IMPG1: variants seen among roughly 807,000 people sequenced by gnomAD.
IMPG1 encodes interphotoreceptor matrix proteoglycan 1.
A neutral mutation model predicts 92.0 loss-of-function variants in IMPG1; 85 were observed. The ratio of observed to expected loss-of-function variants is 0.92; its 90% CI spans 0.78 to 1.11. The LOEUF (loss-of-function observed/expected upper bound fraction) is 1.11. IMPG1 is among the 50% of genes least tolerant of loss of function. IMPG1 has a pLI of 0.00. For missense variants in IMPG1, 1,022 were observed against 956.0 expected, an observed-to-expected ratio of 1.07 and a Z score of -0.91; for synonymous variants, 367 against 334.1, an observed-to-expected ratio of 1.10 and a Z score of -1.08.
chr6:75,945,981 A>G (rs1420971473), intron 14 of IMPG1, among the ~76,000 whole-genome samples: 1 of 152,222 alleles, frequency 6.6e-6, no homozygotes, highest in Non-Finnish European at 1.5e-5. Flanking sequence ...GAAGGAAGAC[A>G]GGGGATTGTG....
chr6:76,068,511 T>TTTC lies in IMPG1; in HGVS notation c.67+3910_67+3911insGAA, dbSNP rs34686466. Among the ~76,000 whole-genome samples the TTTC allele has an allele frequency of 3.2e-3, 60 of 19,040 alleles. No individual in the cohort carries two copies. In the East Asian group the frequency reaches 0.069, roughly 22 times the overall value. 12.5% of individuals were successfully genotyped at this position (19,040 alleles called of 152,430 possible). ...ATCAATATTTTTAAAATGTCCATAC[T>TTTC]TTTTTTTTTTTTTTTTTTTTGGAGA... On this transcript the variant is annotated intron_variant, in intron 1 of 16. Coordinates refer to ENST00000369950, the MANE Select transcript of IMPG1 (RefSeq NM_001563.4).
intron 12 of IMPG1, among the ~76,000 whole-genome samples, chr6:75,963,044 GAA>G (rs34000613): frequency 7.1e-6 from 1 of 139,934 alleles, no homozygotes; most frequent in African/African-American, 2.7e-5. Context: ...CTGTCTCCAG[GAA>G]AAAAAAAAAA....
intron 14 of IMPG1, among the ~76,000 whole-genome samples, chr6:75,932,333 A>AACGAG (rs1781680457): frequency 6.6e-6 from 1 of 152,200 alleles, no homozygotes; most frequent in Non-Finnish European, 1.5e-5. Context: ...TTAGAGTCAA[A>AACGAG]ACGAGAGAAT....
chr6:76,019,436 C>G (rs1436753515), intron 6 of IMPG1, among the ~76,000 whole-genome samples: 1 of 152,196 alleles, frequency 6.6e-6, no homozygotes, highest in Non-Finnish European at 1.5e-5. Flanking sequence ...CGTACATGGT[C>G]TCTTATAGTG....
At chr6:76,023,686 T>C (rs1051527781) in intron 5 of IMPG1, among the ~76,000 whole-genome samples, 1 of 152,116 alleles carries the variant, frequency 6.6e-6, no homozygotes, top group African/African-American at 2.4e-5. Flanking sequence ...CTTAAATATA[T>C]GGTGATGATA....
At chr6:75,958,677 A>G (rs752562224) in intron 12 of IMPG1, among the ~76,000 whole-genome samples, 12 of 151,806 alleles carry the variant, frequency 7.9e-5, no homozygotes, top group Non-Finnish European at 1.8e-4. Context: ...TTCGCCCATT[A>G]ATGTGTATGC....
In IMPG1 at chr6:75,949,847, G is replaced by A. The variant is rs547390899; in HGVS notation, c.1824+715C>T. Among the ~76,000 whole-genome samples, 347 of 152,206 alleles carry A rather than the reference G, an allele frequency of 2.3e-3. 4 individuals are homozygous for A. The highest frequency in any genetic ancestry group is 3.5e-3 in the Non-Finnish European group (241 of 68,004). ...TGTGTAATAATTTAACTTATATGAA[G>A]TATAAAATTTTTTATTTATTGTCAG... On this transcript the variant is annotated intron_variant, in intron 13 of 16. Transcript: ENST00000369950.
intron 12 of IMPG1, among the ~76,000 whole-genome samples, chr6:76,000,629 T>G (rs1238392217): frequency 6.6e-6 from 1 of 152,174 alleles, no homozygotes; most frequent in East Asian, 1.9e-4. Context: ...GAAGCCCAGA[T>G]GTAGGAGTTT....
At chr6:75,958,808 T>C (rs1252695371) in intron 12 of IMPG1, among the ~76,000 whole-genome samples, 2 of 152,138 alleles carry the variant, frequency 1.3e-5, no homozygotes, top group Non-Finnish European at 2.9e-5. Context: ...CTTCCTTGCA[T>C]TGGGTTAGAA....
intron 12 of IMPG1, among the ~76,000 whole-genome samples, chr6:75,993,938 T>G: frequency 6.6e-6 from 1 of 152,184 alleles, no homozygotes; most frequent in East Asian, 1.9e-4. Flanking sequence ...CCAAGCCAGC[T>G]TCCAGGTAGT....
chr6:76,017,013 G>T (rs1281808715), intron 7 of IMPG1, among the ~76,000 whole-genome samples: 1 of 152,152 alleles, frequency 6.6e-6, no homozygotes, highest in Non-Finnish European at 1.5e-5. Flanking sequence ...ACTGGATGCA[G>T]AATGGATAGA....
intron 12 of IMPG1, among the ~76,000 whole-genome samples, chr6:75,970,332 C>CT (rs945591015): frequency 0.012 from 1,670 of 144,254 alleles, 19 homozygotes; most frequent in Middle Eastern, 0.04. Flanking sequence ...ATTCAAACTT[C>CT]TTTTTTTTTT....
chr6:76,028,016 C>T (rs1454401014), intron 4 of IMPG1, among the ~76,000 whole-genome samples: 3 of 152,060 alleles, frequency 2.0e-5, no homozygotes, highest in Non-Finnish European at 4.4e-5. Context: ...TATTTAGGTA[C>T]CTGGGATTGT....
Position 76,018,344 on chromosome 6 carries a change from G to A in IMPG1, c.807+374C>T, listed in dbSNP as rs537382496. 7.9e-5 allele frequency among the ~76,000 whole-genome samples: 12 copies of A among 152,310 alleles called. No homozygotes were observed. In the East Asian group the frequency reaches 1.2e-3, roughly 15 times the overall value. On this transcript the variant is annotated intron_variant, in intron 7 of 16. Transcript: ENST00000369950. ...CAATATAATGCCTATGTGATGAGAC[G>A]AAGTAAGGTAAATGGTATAGAAGTT...
In IMPG1 at chr6:76,049,695, A is replaced by C. The variant is rs115823766; in HGVS notation, c.68-7569T>G. ...TGGTGGTGAGGGTGGTGGTTTTGTA[A>C]CAAAACAGACAATTTGGGAAAAGGC... On this transcript the variant is annotated intron_variant, in intron 1 of 16. Coordinates refer to ENST00000369950, the MANE Select transcript of IMPG1 (RefSeq NM_001563.4). Among the ~76,000 whole-genome samples the C allele has an allele frequency of 8.0e-3, 1,213 of 152,290 alleles. 11 individuals carry two copies. The highest frequency in any genetic ancestry group is 0.027 in the African/African-American group (1,142 of 41,556).
Position 75,938,887 on chromosome 6 carries a change from C to T in IMPG1, c.2045-7736G>A, listed in dbSNP as rs571298176. Among the ~76,000 whole-genome samples the T allele has an allele frequency of 4.7e-4, 71 of 152,258 alleles. 1 individual carries two copies. In the South Asian group the frequency reaches 0.014, roughly 30 times the overall value. ...TGACCAAGACAGCCTTAATATTCCC[C>T]TCAGCTTCACTAAACTTTTTTTTTC... On this transcript the variant is annotated intron_variant, in intron 14 of 16. Coordinates refer to ENST00000369950, the MANE Select transcript of IMPG1 (RefSeq NM_001563.4).
At chr6:75,985,247 T>C (rs1315275211) in intron 12 of IMPG1, among the ~76,000 whole-genome samples, 1 of 152,236 alleles carries the variant, frequency 6.6e-6, no homozygotes, top group East Asian at 1.9e-4. Flanking sequence ...CTGAATGATA[T>C]GGATCAACTA....
At chr6:76,013,020 G>A (rs1367726488) in intron 7 of IMPG1, among the ~76,000 whole-genome samples, 3 of 152,004 alleles carry the variant, frequency 2.0e-5, no homozygotes, top group South Asian at 2.1e-4. Context: ...CTCATTCACA[G>A]GTCTGGCATA....
At chr6:75,982,346 G>T (rs1782640307) in intron 12 of IMPG1, among the ~76,000 whole-genome samples, 1 of 151,950 alleles carries the variant, frequency 6.6e-6, no homozygotes, top group Non-Finnish European at 1.5e-5. Flanking sequence ...TTCGAGACCA[G>T]CCTGGCCAGC....
Sources: gnomAD v4.1 joint callset for allele counts (sites outside exome capture counted in the v4.1 genomes callset) on GRCh38, gnomAD v4.1.1 for gene constraint, MANE v1.5 for transcripts, NCBI Gene and HGNC (gene_info 2026-07-23, HGNC 2026-07-21) for gene names.